Variants in PTPRD observed in about 807,000 individuals in gnomAD.
PTPRD encodes the protein receptor-type tyrosine-protein phosphatase delta.
In PTPRD, 34 loss-of-function variants were observed where a neutral mutation model predicts 214.5. The ratio of observed to expected loss-of-function variants is 0.16; its 90% CI spans 0.12 to 0.21. The LOEUF (loss-of-function observed/expected upper bound fraction) is 0.21, where lower values mean the gene tolerates loss of function less well. PTPRD is among the 10% of genes least tolerant of loss of function. PTPRD has a pLI of 1.00. For synonymous variants in PTPRD, 1,128 were observed against 845.7 expected, an observed-to-expected ratio of 1.33 and a Z score of -5.79; for missense variants, 2,545 against 2,398.7, an observed-to-expected ratio of 1.06 and a Z score of -1.27.
chr9:9,051,905 A>C (rs1199015142), intron 10 of PTPRD, among the ~76,000 whole-genome samples: 1 of 152,236 alleles, frequency 6.6e-6, no homozygotes, highest in Non-Finnish European at 1.5e-5. Flanking sequence ...AAACAACATC[A>C]TAATGAATCT....
At chr9:10,250,540 A>C (rs984822218) in intron 3 of PTPRD, among the ~76,000 whole-genome samples, 6 of 152,164 alleles carry the variant, frequency 3.9e-5, no homozygotes, top group Non-Finnish European at 8.8e-5. Context: ...GCAAGAGACA[A>C]GCAATAATCC....
intron 7 of PTPRD, among the ~76,000 whole-genome samples, chr9:9,719,669 G>A (rs1039180640): frequency 5.3e-5 from 8 of 152,190 alleles, no homozygotes; most frequent in African/African-American, 1.2e-4. Context: ...GCTATGCTGC[G>A]GCGGTGAGGG....
intron 7 of PTPRD, among the ~76,000 whole-genome samples, chr9:9,613,872 C>T (rs186383188): frequency 7.0e-4 from 106 of 152,236 alleles, no homozygotes; most frequent in Non-Finnish European, 1.2e-3. Context: ...TCTACTTTAA[C>T]CTAGATTTAG....
At chr9:8,549,143 G>A (rs2081239184) in intron 14 of PTPRD, among the ~76,000 whole-genome samples, 1 of 152,176 alleles carries the variant, frequency 6.6e-6, no homozygotes, top group African/African-American at 2.4e-5. Context: ...TAAAGTCTAT[G>A]TGCGGATATA....
intron 5 of PTPRD, among the ~76,000 whole-genome samples, chr9:9,901,751 G>T (rs1467720401): frequency 6.6e-6 from 1 of 152,058 alleles, no homozygotes; most frequent in African/African-American, 2.4e-5. Flanking sequence ...CAGTTCTGGA[G>T]GCTGTATGGG....
chr9:9,850,274 G>T (rs895833908), intron 5 of PTPRD, among the ~76,000 whole-genome samples: 1 of 152,150 alleles, frequency 6.6e-6, no homozygotes, highest in African/African-American at 2.4e-5. Context: ...TTGAGGCTTG[G>T]GAGATCAGAA....
chr9:9,138,369 T>G (rs1339157438), intron 10 of PTPRD, among the ~76,000 whole-genome samples: 1 of 152,168 alleles, frequency 6.6e-6, no homozygotes, highest in Non-Finnish European at 1.5e-5. Context: ...TCTCAATGAC[T>G]GTTATGTACA....
intron 14 of PTPRD, among the ~76,000 whole-genome samples, chr9:8,614,812 T>C (rs116000567): frequency 6.6e-6 from 1 of 152,040 alleles, no homozygotes; most frequent in East Asian, 1.9e-4. Context: ...TACGACAGAG[T>C]TGGACAATTA....
intron 12 of PTPRD, among the ~76,000 whole-genome samples, chr9:8,639,619 T>G (rs1221387624): frequency 6.6e-6 from 1 of 152,184 alleles, no homozygotes; most frequent in African/African-American, 2.4e-5. Flanking sequence ...TGGATATTTT[T>G]TAAGGGATAC....
intron 2 of PTPRD, among the ~76,000 whole-genome samples, chr9:10,606,390 G>C (rs1241163321): frequency 1.3e-5 from 2 of 151,700 alleles, no homozygotes; most frequent in African/African-American, 4.8e-5. Flanking sequence ...ATAAAGATTT[G>C]AGGCCAATTA....
intron 2 of PTPRD, among the ~76,000 whole-genome samples, chr9:10,572,705 T>C (rs2067854751): frequency 6.6e-6 from 1 of 152,300 alleles, no homozygotes. Context: ...ATTTATTCTA[T>C]GTACTCAACT....
intron 7 of PTPRD, among the ~76,000 whole-genome samples, chr9:9,651,000 T>A (rs948908827): frequency 6.6e-6 from 1 of 152,034 alleles, no homozygotes; most frequent in African/African-American, 2.4e-5. Flanking sequence ...AAATAATTTA[T>A]CTTCGCAAAA....
intron 3 of PTPRD, among the ~76,000 whole-genome samples, chr9:10,291,671 G>A (rs568839968): frequency 1.8e-4 from 27 of 152,162 alleles, no homozygotes; most frequent in African/African-American, 6.3e-4. Flanking sequence ...CTCCTCTACA[G>A]TCTCAGAAGG....
chr9:9,336,419 T>C lies in PTPRD; in HGVS notation c.-203+61030A>G, dbSNP rs571773912. ...AATCATAAACTTTTCAAGGAGCATA[T>C]GGCCTGACGTCGCACAGTGATCTTG... On this transcript the variant is annotated intron_variant, in intron 9 of 45. Transcript: ENST00000381196. 1.7e-3 allele frequency among the ~76,000 whole-genome samples: 255 copies of C among 152,248 alleles called. 1 individual carries two copies. The highest frequency in any genetic ancestry group is 6.0e-3 in the African/African-American group (251 of 41,560).
chr9:10,535,308 G>A (rs1341391684), intron 2 of PTPRD, among the ~76,000 whole-genome samples: 1 of 152,064 alleles, frequency 6.6e-6, no homozygotes, highest in African/African-American at 2.4e-5. Context: ...GCTTCATATT[G>A]ATGAATCTCA....
At chr9:10,419,079 C>G (rs992022646) in intron 2 of PTPRD, among the ~76,000 whole-genome samples, 1 of 151,834 alleles carries the variant, frequency 6.6e-6, no homozygotes, top group Non-Finnish European at 1.5e-5. Flanking sequence ...TTAGCCCCAC[C>G]TACACAAAAA....
At chr9:9,823,917 T>A (rs182474159) in intron 5 of PTPRD, among the ~76,000 whole-genome samples, 2 of 152,224 alleles carry the variant, frequency 1.3e-5, no homozygotes, top group Admixed American at 1.3e-4. Context: ...ATAATGAATA[T>A]CTCAATTATG....
chr9:9,328,554 A>C (rs1307323992), intron 9 of PTPRD, among the ~76,000 whole-genome samples: 3 of 150,742 alleles, frequency 2.0e-5, no homozygotes, highest in Admixed American at 2.0e-4. Context: ...AATCTCACAG[A>C]AATTATGAGC....
At chr9:8,586,357 T>C (rs1015137291) in intron 14 of PTPRD, among the ~76,000 whole-genome samples, 2 of 152,212 alleles carry the variant, frequency 1.3e-5, no homozygotes, top group Non-Finnish European at 1.5e-5. Flanking sequence ...ATAACCAGCA[T>C]TGATTCTTCT....
Sources: allele counts gnomAD v4.1 joint callset (sites outside exome capture counted in the v4.1 genomes callset), GRCh38; gene constraint gnomAD v4.1.1; transcripts MANE v1.5; gene names NCBI Gene and HGNC (gene_info 2026-07-23, HGNC 2026-07-21).